The following LPIN2 variants were observed in gnomAD, a reference collection of about 807,000 sequenced individuals.
The protein encoded by LPIN2 is lipin 2, also known as phosphatidate phosphatase LPIN2.
In LPIN2, 55 loss-of-function variants were observed where a neutral mutation model predicts 111.4. The observed-to-expected ratio is 0.49, with a 90% CI of 0.40 to 0.62. The LOEUF is 0.62. Ranked by LOEUF, LPIN2 falls within the 20% of genes least tolerant of loss-of-function variation. The pLI is 0.00. For missense variants in LPIN2, 992 were observed against 1,112.1 expected, an observed-to-expected ratio of 0.89 and a Z score of 1.54; for synonymous variants, 425 against 414.0, an observed-to-expected ratio of 1.03 and a Z score of -0.32.
chr18:2,989,555 G>A (rs1202285977), intron 1 of LPIN2, among the ~76,000 whole-genome samples: 1 of 152,158 alleles, frequency 6.6e-6, no homozygotes, highest in Non-Finnish European at 1.5e-5. Flanking sequence ...AAGGGGCCCT[G>A]ACTAGCCAAA....
intron 1 of LPIN2, among the ~76,000 whole-genome samples, chr18:2,980,064 T>C (rs1375870619): frequency 6.6e-6 from 1 of 152,234 alleles, no homozygotes; most frequent in African/African-American, 2.4e-5. Flanking sequence ...AGGAAAGGTA[T>C]CATTTTCAAG....
chr18:3,006,155 A>C (rs897306812), intron 1 of LPIN2, among the ~76,000 whole-genome samples: 2 of 152,220 alleles, frequency 1.3e-5, no homozygotes, highest in Non-Finnish European at 2.9e-5. Context: ...ATGCCTAAAG[A>C]AGTTGTTCAA....
chr18:2,945,806 C>A lies in LPIN2; in HGVS notation c.591-5094G>T, dbSNP rs879126477. 2.5e-5 allele frequency: 35 copies of A among 1,394,874 alleles called. No individual in the cohort carries two copies. The South Asian group carries it at 3.4e-4, about 13-fold the overall frequency. 86.4% of individuals were successfully genotyped at this position (1,394,874 alleles called of 1,614,324 possible). On this transcript the variant is annotated intron_variant, in intron 4 of 19. Coordinates refer to ENST00000677752, the MANE Select transcript of LPIN2 (RefSeq NM_001375808.2). ...TAAGTTCTGGAAGTGAATTTTTAGC[C>A]TATACTGAAATGGTAACTTCACCTC...
At chr18:2,953,213 A>T (rs1391189668) in intron 3 of LPIN2, among the ~76,000 whole-genome samples, 3 of 152,254 alleles carry the variant, frequency 2.0e-5, no homozygotes, top group Non-Finnish European at 4.4e-5. Flanking sequence ...CTTGCTGAGC[A>T]TAATTTTTAG....
chr18:2,976,892 G>A (rs1200722126), intron 1 of LPIN2, among the ~76,000 whole-genome samples: 3 of 152,110 alleles, frequency 2.0e-5, no homozygotes, highest in Non-Finnish European at 4.4e-5. Context: ...AAAAGTCATC[G>A]TTCCCCAAGA....
In LPIN2 at chr18:2,925,841, A is replaced by G. The variant is rs2077123178; in HGVS notation, c.1794-473T>C. ...GGCAACATAGGGAGACCCAGTTTCT[A>G]CGGAACATTTAAAAATTAGCCAGGG... On this transcript the variant is annotated intron_variant, in intron 13 of 19. Transcript: ENST00000677752. This position sits in a 1 kb window ranked among gnomAD's most constrained non-coding sequence, Gnocchi z 4.1. Among the ~76,000 whole-genome samples, 1 of 152,186 alleles carries G rather than the reference A, an allele frequency of 6.6e-6. No individual in the cohort carries two copies. Among genetic ancestry groups the G allele is most frequent in the Non-Finnish European group, 1.5e-5 (1 of 68,034 alleles).
rs751363544 is a variant in LPIN2, at chr18:2,951,299, T to TA, written c.345dup (p.Lys116Ter). On this transcript the variant is annotated frameshift_variant, in exon 4 of 20. Transcript: ENST00000677752. LOFTEE classifies it high-confidence loss of function. ...TTCACCAAAGGGGTGTCAATATCTT[T>TA]AAAGAACTGATCTTCAGTAGGAATT... 1 of 1,614,154 alleles carries TA rather than the reference T, an allele frequency of 6.2e-7. No homozygotes were observed.
intron 19 of LPIN2, 34 bp from the exon 20 acceptor site, chr18:2,920,471 T>C (rs775155503): frequency 4.3e-6 from 7 of 1,612,398 alleles, no homozygotes; most frequent in Non-Finnish European, 5.9e-6. Flanking sequence ...GCACAGGCTA[T>C]TACTTCAAGA....
In LPIN2 at chr18:2,964,736, T is replaced by TA. The variant is rs527417649; in HGVS notation, c.-9-3888dup. Among the ~76,000 whole-genome samples, 4 of 152,320 alleles carry TA rather than the reference T, an allele frequency of 2.6e-5. No homozygotes were observed. The South Asian group carries it at 8.3e-4, about 32-fold the overall frequency. On this transcript the variant is annotated intron_variant, in intron 1 of 19. Transcript: ENST00000677752. Reference sequence around the variant, plus strand: ...TGCTGCATTTCAGTTTTGGGATCGTTACAGTTGACAGAGACTCACTACTTT... The same window carrying TA: ...TGCTGCATTTCAGTTTTGGGATCGTTAACAGTTGACAGAGACTCACTACTTT...
At chr18:2,965,207 C>T (rs1051847257) in intron 1 of LPIN2, among the ~76,000 whole-genome samples, 1 of 152,038 alleles carries the variant, frequency 6.6e-6, no homozygotes, top group Admixed American at 6.5e-5. Flanking sequence ...AATGGCCCTT[C>T]GCATATAAAA....
chr18:2,963,305 G>A (rs2143223363), intron 1 of LPIN2, among the ~76,000 whole-genome samples: 1 of 152,252 alleles, frequency 6.6e-6, no homozygotes, highest in South Asian at 2.1e-4. Flanking sequence ...TGAGGGATAT[G>A]TTAAACAGCC....
intron 2 of LPIN2, among the ~76,000 whole-genome samples, chr18:2,955,659 T>C (rs865780211): frequency 6.6e-6 from 1 of 152,162 alleles, no homozygotes; most frequent in Non-Finnish European, 1.5e-5. Context: ...CTCATGCTTG[T>C]AATCCCAGTA....
intron 2 of LPIN2, among the ~76,000 whole-genome samples, chr18:2,955,426 T>G (rs1254483377): frequency 1.3e-5 from 2 of 151,838 alleles, no homozygotes; most frequent in Non-Finnish European, 2.9e-5. Context: ...TTAAAACAAT[T>G]GGATCTTGTC....
rs761963280 is a variant in LPIN2 at position 2,946,543 on chromosome 18, TC to T, written c.590+4511del. 8 of 1,494,736 alleles carry T rather than the reference TC, an allele frequency of 5.4e-6. No homozygotes were observed. In the East Asian group the frequency reaches 1.1e-4, roughly 21 times the overall value. The allele number at this position is 1,494,736 out of a possible 1,614,324, so 92.6% of individuals were successfully genotyped here. ...TGTAGCACAGCAAGGCCATTTTTTT[TC>T]CCACTGTCACAGGCAAGGCCCAAAC... is the stretch of plus-strand genomic sequence containing the variant. On this transcript the variant is annotated intron_variant, in intron 4 of 19. Transcript: ENST00000677752.
rs79437111 is a variant in LPIN2, at chr18:2,987,541, T to C, written c.-10+25546A>G. 8.6e-3 allele frequency among the ~76,000 whole-genome samples: 1,312 copies of C among 152,284 alleles called. 10 individuals carry two copies. The highest frequency in any genetic ancestry group is 0.026 in the African/African-American group (1,081 of 41,548). On this transcript the variant is annotated intron_variant, in intron 1 of 19. Transcript: ENST00000677752. Reference sequence around the variant, plus strand: ...TCCACGTGGACATTTCAGGTCCATCTTTGACTCCAATTTTCTCTTCCATAG... The same window carrying C: ...TCCACGTGGACATTTCAGGTCCATCCTTGACTCCAATTTTCTCTTCCATAG...
intron 1 of LPIN2, among the ~76,000 whole-genome samples, chr18:2,985,818 C>A (rs2078179048): frequency 6.6e-6 from 1 of 152,176 alleles, no homozygotes; most frequent in Non-Finnish European, 1.5e-5. Flanking sequence ...GTACTCCCCC[C>A]CAGTGGCCAT....
chr18:2,971,135 C>A (rs1192520715), intron 1 of LPIN2, among the ~76,000 whole-genome samples: 1 of 152,220 alleles, frequency 6.6e-6, no homozygotes, highest in Non-Finnish European at 1.5e-5. Context: ...CAGCCCCCAT[C>A]TTCTACCCAC....
intron 10 of LPIN2, 113 bp from the exon 11 acceptor site, chr18:2,928,773 T>G: frequency 1.2e-6 from 1 of 833,882 alleles, no homozygotes; most frequent in Non-Finnish European, 2.0e-6. Flanking sequence ...TTGCTTATTC[T>G]TTTCAATAAA....
At chr18:2,987,924 A>T (rs2078209959) in intron 1 of LPIN2, among the ~76,000 whole-genome samples, 2 of 149,052 alleles carry the variant, frequency 1.3e-5, no homozygotes, top group African/African-American at 5.0e-5. Flanking sequence ...CTGTAATCCC[A>T]GCTACTCAGG....
Sources: gnomAD v4.1 joint callset for allele counts (sites outside exome capture counted in the v4.1 genomes callset) on GRCh38, gnomAD v4.1.1 for gene constraint, Gnocchi (gnomAD v3.1) non-coding constraint, MANE v1.5 for transcripts, NCBI Gene and HGNC (gene_info 2026-07-23, HGNC 2026-07-21) for gene names.